The following GAD1 variants were observed in gnomAD, a reference collection of about 807,000 sequenced individuals.
The protein encoded by GAD1 is 67 kDa glutamic acid decarboxylase.
GAD1 carries 35 observed loss-of-function variants against 75.2 expected under a neutral mutation model. The observed-to-expected ratio is 0.47, with a 90% CI of 0.36 to 0.62. GAD1 has a LOEUF of 0.62. Ranked by LOEUF, GAD1 falls within the 20% of genes least tolerant of loss-of-function variation. The pLI is 0.00. For synonymous variants in GAD1, 257 were observed against 271.9 expected, an observed-to-expected ratio of 0.95 and a Z score of 0.54; for missense variants, 490 against 758.5, an observed-to-expected ratio of 0.65 and a Z score of 4.16.
At chr2:170,824,336 A>C (rs1293404102) in intron 3 of GAD1, among the ~76,000 whole-genome samples, 1 of 151,224 alleles carries the variant, frequency 6.6e-6, no homozygotes, top group Non-Finnish European at 1.5e-5. Flanking sequence ...GGCAGAGTGC[A>C]GTCTTTTGTG....
intron 3 of GAD1, among the ~76,000 whole-genome samples, chr2:170,823,450 C>T (rs1036595310): frequency 4.6e-5 from 7 of 152,222 alleles, no homozygotes; most frequent in Non-Finnish European, 1.0e-4. Context: ...TGGGACTCGG[C>T]GTTTAGGGAG....
chr2:170,859,427 G>A (rs140101224), intron 16 of GAD1, among the ~76,000 whole-genome samples: 2 of 152,256 alleles, frequency 1.3e-5, no homozygotes, highest in Non-Finnish European at 2.9e-5. Flanking sequence ...CCCTGAATTT[G>A]TGGTGTTGTC....
upstream of GAD1, among the ~76,000 whole-genome samples, chr2:170,815,857 GGA>G (rs1297338018): frequency 6.6e-6 from 1 of 152,342 alleles, no homozygotes; most frequent in African/African-American, 2.4e-5. Context: ...GGGCGCTGGC[GGA>G]GAGACCCGGG....
At chr2:170,820,312 C>T (rs1210052558) in intron 2 of GAD1, among the ~76,000 whole-genome samples, 1 of 152,240 alleles carries the variant, frequency 6.6e-6, no homozygotes, top group Non-Finnish European at 1.5e-5. Flanking sequence ...TGACCTGAAT[C>T]CGCACGTGGC....
At position 170,850,710 on chromosome 2, in the gene GAD1, T is replaced by G. The variant is rs546399437; in HGVS notation, c.1184+1360T>G. ...CGGCTCTGTGAAGTGGACAACCCCG[T>G]AACTCGGAGGATAATGTAAAAAATC... On this transcript the variant is annotated intron_variant, in intron 12 of 16. Transcript: ENST00000358196. Among the ~76,000 whole-genome samples the G allele has an allele frequency of 7.9e-5, 12 of 152,296 alleles. No homozygotes were observed. The South Asian group carries it at 2.5e-3, about 32-fold the overall frequency.
At position 170,854,700 on chromosome 2, in the gene GAD1, C is replaced by T. The variant is rs543346118; in HGVS notation, c.1413+678C>T. ...GATTACAGGCGTGAGCCACCGCGCC[C>T]GGCCCCTTGAATTCTTTTATGAGGC... On this transcript the variant is annotated intron_variant, in intron 14 of 16. Transcript: ENST00000358196. Among the ~76,000 whole-genome samples, 16 of 152,326 alleles carry T rather than the reference C, an allele frequency of 1.1e-4. No individual in the cohort carries two copies. In the South Asian group the frequency reaches 2.3e-3, roughly 22 times the overall value.
At chr2:170,836,681 A>AT in intron 5 of GAD1, 112 bp from the exon 6 acceptor site, 1 of 772,126 alleles carries the variant, frequency 1.3e-6, no homozygotes. Context: ...CTTATTCGAC[A>AT]TATCACTGGG....
chr2:170,825,992 G>A (rs917642071), intron 3 of GAD1, among the ~76,000 whole-genome samples: 3 of 152,152 alleles, frequency 2.0e-5, no homozygotes, highest in Non-Finnish European at 4.4e-5. Flanking sequence ...TTCATCCTTG[G>A]AGAAGCAGTT....
chr2:170,822,001 T>A, intron 2 of GAD1, 86 bp from the exon 3 acceptor site: 1 of 1,144,744 alleles, frequency 8.7e-7, no homozygotes, highest in South Asian at 1.3e-5. Context: ...GTCCTCATCC[T>A]CCCCCAAGAA....
chr2:170,840,300 G>T (rs1480876629), intron 6 of GAD1, among the ~76,000 whole-genome samples: 1 of 152,156 alleles, frequency 6.6e-6, no homozygotes, highest in East Asian at 1.9e-4. Flanking sequence ...TTTTATTTCT[G>T]TCTCTCATCA....
chr2:170,825,866 G>A (rs1019624204), intron 3 of GAD1, among the ~76,000 whole-genome samples: 42 of 152,318 alleles, frequency 2.8e-4, no homozygotes, highest in Non-Finnish European at 4.9e-4. Flanking sequence ...CTCGAAGCTG[G>A]GGTGTAGAGC....
At chr2:170,828,555 ACCTCTGCTGTCCTCACCGTCCT>A (rs1196296600) in intron 3 of GAD1, among the ~76,000 whole-genome samples, 101 of 36,034 alleles carry the variant, frequency 2.8e-3, no homozygotes, top group African/African-American at 4.2e-3. Flanking sequence ...TCACCCTCCT[ACCTCTGCTGTCCTCACCGTCCT>A]CCTCTGCTGT....
At position 170,822,107 on chromosome 2, in the gene GAD1, G is replaced by A. The variant is rs987723157; in HGVS notation, c.103G>A (p.Val35Met). The A allele has an allele frequency of 1.9e-6, 3 of 1,611,730 alleles. No homozygotes were observed. In the African/African-American group the frequency reaches 4.0e-5, roughly 21 times the overall value. Reference protein sequence around the residue: ...RPTTYDTWCGVAHGCTRKLGL... With the variant: ...RPTTYDTWCGMAHGCTRKLGL... ...CCTAGCGTACGATACCTGGTGCGGCGTGGCCCATGGATGCACCAGAAAACT... is the reference window on the plus strand; with the variant it reads ...CCTAGCGTACGATACCTGGTGCGGCATGGCCCATGGATGCACCAGAAAACT... The change falls in exon 3 of 17, where the codon GTG becomes ATG. Residue 35 changes from valine to methionine, a missense_variant. Val to Met is a conservative substitution (Grantham distance 21). This residue lies in a region of GAD1 where 165 missense variants were observed against 216.4 expected (regional missense o/e 0.76). Coordinates refer to ENST00000358196, the MANE Select transcript of GAD1 (RefSeq NM_000817.3).
At chr2:170,842,570 C>G (rs1275795969) in intron 6 of GAD1, 1 of 1,613,762 alleles carries the variant, frequency 6.2e-7, no homozygotes, top group African/African-American at 1.3e-5. Flanking sequence ...CTTTATCAGG[C>G]CATCAGACAT....
At chr2:170,834,622 A>G (rs1702324627) in intron 5 of GAD1, among the ~76,000 whole-genome samples, 1 of 152,210 alleles carries the variant, frequency 6.6e-6, no homozygotes, top group Non-Finnish European at 1.5e-5. Flanking sequence ...CTTATACAAA[A>G]GTAGAATCCT....
upstream of GAD1, chr2:170,816,679 T>G (rs1037904300): frequency 6.6e-6 from 1 of 152,128 alleles, no homozygotes; most frequent in Admixed American, 6.5e-5. Flanking sequence ...CTTTTTTTTT[T>G]CCTTCCGGGC....
intron 5 of GAD1, among the ~76,000 whole-genome samples, chr2:170,832,271 G>C (rs948398517): frequency 1.3e-5 from 2 of 152,168 alleles, no homozygotes; most frequent in East Asian, 3.8e-4. Flanking sequence ...CTCTCTGATG[G>C]CTCTTGGAGA....
Position 170,853,725 on chromosome 2 carries a change from G to T in GAD1, c.1264-148G>T. 5.5e-6 allele frequency: 4 copies of T among 727,300 alleles called. No individual in the cohort carries two copies. The highest frequency in any genetic ancestry group is 2.2e-5 in the Admixed American group (1 of 46,066). The allele number at this position is 727,300 out of a possible 1,614,324, so 45.1% of individuals were successfully genotyped here. A position where few individuals can be genotyped will look rare whatever the true frequency, so the allele number is the denominator to read the frequency against. On this transcript the variant is annotated intron_variant, in intron 13 of 16. Coordinates refer to ENST00000358196, the MANE Select transcript of GAD1 (RefSeq NM_000817.3). The surrounding 1 kb of genome is among the most constrained non-coding windows in gnomAD (Gnocchi z 4.1). ...TTTCCAAGAGTGATTTTAGAAAAGG[G>T]CATCAGAACAAGTGTAAGGCCTCAT...
intron 12 of GAD1, chr2:170,852,500 C>G (rs903640722): frequency 3.4e-6 from 2 of 595,660 alleles, no homozygotes; most frequent in Admixed American, 2.8e-5. Context: ...TAAATGTTAG[C>G]TATTGTTAAT....
Sources: gnomAD v4.1 joint callset for allele counts (sites outside exome capture counted in the v4.1 genomes callset) on GRCh38, gnomAD v4.1.1 for gene constraint, gnomAD v4.1.1 regional missense constraint, Gnocchi (gnomAD v3.1) non-coding constraint, MANE v1.5 for transcripts, NCBI Gene and HGNC (gene_info 2026-07-23, HGNC 2026-07-21) for gene names.